The following DYM variants were observed in gnomAD, a reference collection of about 807,000 sequenced individuals.
DYM encodes dyggve-Melchior-Clausen syndrome protein.
Under a neutral mutation model 93.1 loss-of-function variants are expected in DYM, and 78 were observed. That is an observed-to-expected ratio of 0.84 (90% CI 0.70 to 1.01). The LOEUF (loss-of-function observed/expected upper bound fraction) is 1.01. Among genes scored for constraint, DYM ranks in the 50% least tolerant of loss-of-function variants. DYM has a pLI of 0.00. For synonymous variants in DYM, 321 were observed against 319.7 expected (o/e 1.00, Z -0.04); for missense variants, 789 against 845.0 (o/e 0.93, Z 0.82).
intron 14 of DYM, among the ~76,000 whole-genome samples, chr18:49,204,584 C>T (rs948492563): frequency 6.6e-6 from 1 of 152,186 alleles, no homozygotes; most frequent in Non-Finnish European, 1.5e-5. Context: ...TAAAATTGGA[C>T]GTGGAACTCT....
At chr18:49,306,591 C>T (rs2061289358) in intron 8 of DYM, among the ~76,000 whole-genome samples, 1 of 148,956 alleles carries the variant, frequency 6.7e-6, no homozygotes, top group Admixed American at 6.7e-5. Context: ...TACACCTTTT[C>T]AGTAATAAAC....
At chr18:49,146,471 T>C (rs559240402) in intron 15 of DYM, among the ~76,000 whole-genome samples, 8 of 152,338 alleles carry the variant, frequency 5.3e-5, no homozygotes, top group Non-Finnish European at 8.8e-5. Flanking sequence ...AAAATCTCCT[T>C]AAACTGATAG....
At chr18:49,098,759 G>A (rs769050001) in intron 16 of DYM, among the ~76,000 whole-genome samples, 3 of 152,016 alleles carry the variant, frequency 2.0e-5, no homozygotes, top group East Asian at 1.9e-4. Flanking sequence ...TGAGTTTCTG[G>A]GATTAATATT....
intron 8 of DYM, among the ~76,000 whole-genome samples, chr18:49,330,845 C>T (rs73445709): frequency 0.075 from 11,406 of 152,184 alleles, 624 homozygotes; most frequent in African/African-American, 0.15. Flanking sequence ...GGCTGCTCAG[C>T]ACCAAAGGCA....
intron 5 of DYM, among the ~76,000 whole-genome samples, chr18:49,374,182 C>A (rs1459380647): frequency 6.6e-6 from 1 of 152,158 alleles, no homozygotes; most frequent in Non-Finnish European, 1.5e-5. Context: ...ATAATTCTCA[C>A]AAATATTCTC....
At chr18:49,262,723 T>C (rs1326111921) in intron 11 of DYM, among the ~76,000 whole-genome samples, 1 of 152,200 alleles carries the variant, frequency 6.6e-6, no homozygotes, top group Non-Finnish European at 1.5e-5. Context: ...TCCACATCCA[T>C]TCTTACTGGC....
chr18:49,432,757 T>C (rs1416638303), intron 1 of DYM, among the ~76,000 whole-genome samples: 1 of 151,940 alleles, frequency 6.6e-6, no homozygotes, highest in African/African-American at 2.4e-5. Flanking sequence ...GAACTACAGG[T>C]ACATGCCACC....
chr18:49,447,925 G>GT (rs1258640566), intron 1 of DYM, among the ~76,000 whole-genome samples: 8 of 152,074 alleles, frequency 5.3e-5, no homozygotes, highest in Non-Finnish European at 1.2e-4. Context: ...CTCTTTCTCT[G>GT]CCCTTGGTCT....
intron 5 of DYM, among the ~76,000 whole-genome samples, chr18:49,371,694 G>A (rs1724530276): frequency 6.6e-6 from 1 of 152,172 alleles, no homozygotes. Context: ...AAAGGAAAAT[G>A]GAAACAATTT....
chr18:49,357,368 G>A (rs897006910), intron 6 of DYM, among the ~76,000 whole-genome samples: 4 of 152,048 alleles, frequency 2.6e-5, no homozygotes, highest in African/African-American at 9.7e-5. Flanking sequence ...GGACTACTGA[G>A]ATATAAAGCC....
intron 10 of DYM, 107 bp downstream of exon 10, chr18:49,281,890 A>C (rs1599100105): frequency 9.3e-7 from 1 of 1,070,436 alleles, no homozygotes; most frequent in African/African-American, 1.6e-5. Context: ...CCAACATGGC[A>C]CATGTATACA....
At chr18:49,425,371 C>T (rs985314859) in intron 2 of DYM, among the ~76,000 whole-genome samples, 2 of 152,100 alleles carry the variant, frequency 1.3e-5, no homozygotes, top group South Asian at 2.1e-4. Flanking sequence ...ATCCCTTCCT[C>T]ACACCTCATA....
At chr18:49,297,487 C>T (rs774890333) in intron 8 of DYM, among the ~76,000 whole-genome samples, 25 of 152,230 alleles carry the variant, frequency 1.6e-4, no homozygotes, top group Non-Finnish European at 3.2e-4. Context: ...CCTGACTGAA[C>T]ACATTCACTT....
intron 10 of DYM, among the ~76,000 whole-genome samples, chr18:49,281,705 A>T (rs989761464): frequency 2.0e-5 from 3 of 152,220 alleles, no homozygotes; most frequent in Non-Finnish European, 2.9e-5. Flanking sequence ...TCCCAAGGAC[A>T]AAAAACCAGA....
Position 49,411,196 on chromosome 18 carries a change from C to T in DYM, c.140+19059G>A, listed in dbSNP as rs571681921. Among the ~76,000 whole-genome samples the T allele has an allele frequency of 7.9e-5, 12 of 152,260 alleles. No individual in the cohort carries two copies. The South Asian group carries it at 8.3e-4, about 11-fold the overall frequency. On this transcript the variant is annotated intron_variant, in intron 2 of 17. Transcript: ENST00000675505. The stretch of plus-strand genomic sequence containing the variant: ...AATATGAATAATATTAAATGAGATA[C>T]TCTTAAGGCAAACCCACATAATATC...
At chr18:49,242,726 G>A (rs557942272) in intron 13 of DYM, among the ~76,000 whole-genome samples, 1 of 152,190 alleles carries the variant, frequency 6.6e-6, no homozygotes. Context: ...TTGAGACGGA[G>A]TCTAGCTCAG....
chr18:49,082,144 AG>A (rs1242171336), intron 17 of DYM, among the ~76,000 whole-genome samples: 2 of 152,236 alleles, frequency 1.3e-5, no homozygotes. Context: ...GTGATTTCCC[AG>A]GCCAGAAATA....
intron 1 of DYM, among the ~76,000 whole-genome samples, chr18:49,458,407 A>AT (rs1347994661): frequency 1.3e-5 from 2 of 152,174 alleles, no homozygotes; most frequent in African/African-American, 4.8e-5. Context: ...CATTTTTCAG[A>AT]GTCAAACATA....
At chr18:49,162,877 G>C (rs1359706226) in intron 15 of DYM, among the ~76,000 whole-genome samples, 2 of 152,202 alleles carry the variant, frequency 1.3e-5, no homozygotes, top group East Asian at 3.8e-4. Context: ...TTAGGTCCAA[G>C]TAAGCAAACA....
Sources: gnomAD v4.1 joint callset for allele counts (sites outside exome capture counted in the v4.1 genomes callset) on GRCh38, gnomAD v4.1.1 for gene constraint, MANE v1.5 for transcripts, NCBI Gene and HGNC (gene_info 2026-07-23, HGNC 2026-07-21) for gene names.